The following NRXN1 variants were observed in gnomAD, a reference collection of about 807,000 sequenced individuals.
NRXN1 encodes the protein neurexin 1.
Under a neutral mutation model 150.9 loss-of-function variants are expected in NRXN1, and 39 were observed. That is an observed-to-expected ratio of 0.26 (90% CI 0.20 to 0.34). The LOEUF (loss-of-function observed/expected upper bound fraction) is 0.34, where lower values mean the gene tolerates loss of function less well. Ranked by LOEUF, NRXN1 falls within the 10% of genes least tolerant of loss-of-function variation. The pLI is 1.00. For synonymous variants in NRXN1, 924 were observed against 757.0 expected, an observed-to-expected ratio of 1.22 and a Z score of -3.62; for missense variants, 1,815 against 1,949.9, an observed-to-expected ratio of 0.93 and a Z score of 1.30.
intron 17 of NRXN1, among the ~76,000 whole-genome samples, chr2:50,243,102 G>A (rs1302748005): frequency 6.6e-6 from 1 of 151,750 alleles, no homozygotes; most frequent in Non-Finnish European, 1.5e-5. Context: ...GTGTTCTGTT[G>A]CACAGTAGGG....
At chr2:50,354,459 T>C (rs1165923821) in intron 17 of NRXN1, among the ~76,000 whole-genome samples, 4 of 150,730 alleles carry the variant, frequency 2.7e-5, no homozygotes, top group Admixed American at 6.7e-5. Context: ...GAGGATTAAA[T>C]GAGTCGACAA....
At chr2:51,006,462 G>A (rs1265829142) in intron 2 of NRXN1, among the ~76,000 whole-genome samples, 1 of 151,718 alleles carries the variant, frequency 6.6e-6, no homozygotes, top group Non-Finnish European at 1.5e-5. Flanking sequence ...AAGTTAATGG[G>A]TGCAGCACAC....
intron 2 of NRXN1, among the ~76,000 whole-genome samples, chr2:51,004,558 G>A (rs558811230): frequency 1.2e-4 from 18 of 151,922 alleles, no homozygotes; most frequent in Non-Finnish European, 2.1e-4. Context: ...CAGGAGAATC[G>A]CTTGAACCTG....
chr2:49,953,951 C>T (rs1211699555), intron 21 of NRXN1, among the ~76,000 whole-genome samples: 1 of 151,906 alleles, frequency 6.6e-6, no homozygotes, highest in Non-Finnish European at 1.5e-5. Context: ...TGCAGCAAAC[C>T]ACCAAGGCAC....
chr2:50,316,971 A>G (rs1346067729), intron 17 of NRXN1, among the ~76,000 whole-genome samples: 2 of 152,142 alleles, frequency 1.3e-5, no homozygotes, highest in Middle Eastern at 3.4e-3. Flanking sequence ...ATTCGAAAAT[A>G]CCAAAAGAAA....
chr2:50,812,568 T>C (rs1668363972), intron 5 of NRXN1, among the ~76,000 whole-genome samples: 1 of 152,110 alleles, frequency 6.6e-6, no homozygotes, highest in African/African-American at 2.4e-5. Flanking sequence ...CATTCATGTG[T>C]GTGTATACAT....
At chr2:50,317,747 G>A (rs1178878053) in intron 17 of NRXN1, among the ~76,000 whole-genome samples, 1 of 151,944 alleles carries the variant, frequency 6.6e-6, no homozygotes, top group Admixed American at 6.6e-5. Flanking sequence ...TATTAACAGT[G>A]TTTAATTTAT....
At chr2:50,515,600 G>GGTGGGTGT (rs2092605454) in intron 12 of NRXN1, among the ~76,000 whole-genome samples, 1 of 143,426 alleles carries the variant, frequency 7.0e-6, no homozygotes, top group African/African-American at 2.6e-5. Flanking sequence ...AAATGCTTGG[G>GGTGGGTGT]GTGTGTGTGT....
intron 2 of NRXN1, among the ~76,000 whole-genome samples, chr2:50,986,388 T>A (rs1396637199): frequency 6.6e-6 from 1 of 151,670 alleles, no homozygotes; most frequent in Non-Finnish European, 1.5e-5. Context: ...ATACAGAATA[T>A]CCACTGCAAC....
At chr2:50,655,674 G>A (rs1686342618) in intron 5 of NRXN1, among the ~76,000 whole-genome samples, 1 of 150,906 alleles carries the variant, frequency 6.6e-6, no homozygotes, top group African/African-American at 2.5e-5. Flanking sequence ...TTTTGGGGGG[G>A]GAGGGAAGAA....
chr2:50,791,087 G>GTT (rs371224258), intron 5 of NRXN1, among the ~76,000 whole-genome samples: 2 of 119,486 alleles, frequency 1.7e-5, no homozygotes, highest in Non-Finnish European at 3.6e-5. Flanking sequence ...GATTTATGTT[G>GTT]TTTTTTTTTT....
rs185437971 is a variant in NRXN1, at chr2:50,224,945, C to G, written c.3546+11844G>C. ...TACAGAGAACAGACAAGAAGCATAC[C>G]TAGACTCAGAGAAATGATCACCTGT... On this transcript the variant is annotated intron_variant, in intron 18 of 22. Transcript: ENST00000401669. 9.3e-4 allele frequency among the ~76,000 whole-genome samples: 142 copies of G among 151,964 alleles called. 1 individual carries two copies. The highest frequency in any genetic ancestry group is 6.8e-3 in the Middle Eastern group (2 of 294).
chr2:50,577,504 C>T (rs958578618), intron 8 of NRXN1, among the ~76,000 whole-genome samples: 5 of 152,046 alleles, frequency 3.3e-5, no homozygotes, highest in African/African-American at 1.2e-4. Flanking sequence ...TATGGAATTC[C>T]AGTTTTTCTT....
intron 5 of NRXN1, among the ~76,000 whole-genome samples, chr2:50,683,189 G>A (rs1256607551): frequency 1.3e-5 from 2 of 151,986 alleles, no homozygotes; most frequent in Non-Finnish European, 2.9e-5. Flanking sequence ...TTTTATTGCT[G>A]ACGGTATTTT....
chr2:50,361,498 A>C (rs1221277716), intron 17 of NRXN1, among the ~76,000 whole-genome samples: 1 of 152,252 alleles, frequency 6.6e-6, no homozygotes, highest in Non-Finnish European at 1.5e-5. Flanking sequence ...TATGCAAATA[A>C]ACTAGAAAAT....
At chr2:50,097,534 A>G (rs1700389939) in intron 18 of NRXN1, among the ~76,000 whole-genome samples, 1 of 152,188 alleles carries the variant, frequency 6.6e-6, no homozygotes, top group African/African-American at 2.4e-5. Context: ...TCTGGAGCCT[A>G]TAGTCACAGT....
At chr2:50,911,484 G>A (rs1684516478) in intron 5 of NRXN1, among the ~76,000 whole-genome samples, 1 of 151,498 alleles carries the variant, frequency 6.6e-6, no homozygotes. Flanking sequence ...TTTTTCAGTA[G>A]AATCCATGGA....
intron 2 of NRXN1, among the ~76,000 whole-genome samples, chr2:50,935,220 T>A (rs1188076018): frequency 6.6e-6 from 1 of 152,160 alleles, no homozygotes; most frequent in Non-Finnish European, 1.5e-5. Flanking sequence ...GGGCCTCTTT[T>A]TGAATATTAC....
At chr2:50,578,337 C>T (rs725288) in intron 8 of NRXN1, among the ~76,000 whole-genome samples, 108,597 of 152,026 alleles carry the variant, frequency 0.71, 40,466 homozygotes, top group African/African-American at 0.93. Flanking sequence ...AATAAAACAA[C>T]GTTTGATAGG....
Sources: allele counts gnomAD v4.1 joint callset (sites outside exome capture counted in the v4.1 genomes callset), GRCh38; gene constraint gnomAD v4.1.1; transcripts MANE v1.5; gene names NCBI Gene and HGNC (gene_info 2026-07-23, HGNC 2026-07-21).